Variants in PHF6 observed in about 807,000 individuals in gnomAD.
PHF6 encodes the protein PHD-like zinc finger protein.
Under a neutral mutation model 34.0 loss-of-function variants are expected in PHF6, and 7 were observed. That is an observed-to-expected ratio of 0.21 (90% confidence interval 0.12 to 0.39). PHF6 has a LOEUF of 0.39. Among genes scored for constraint, PHF6 ranks in the 10% least tolerant of loss-of-function variants. PHF6 has a pLI of 1.00. For missense variants in PHF6, 128 were observed against 262.8 expected (o/e 0.49, Z 3.55); for synonymous variants, 89 against 88.4 (o/e 1.01, Z -0.04).
intron 9 of PHF6, among the ~76,000 whole-genome samples, chrX:134,422,963 A>G (rs2077496922): frequency 8.9e-6 from 1 of 112,339 alleles, no homozygotes; most frequent in African/African-American, 3.2e-5. Flanking sequence ...GTAAGCAAAA[A>G]CAGAATAGTA....
At chrX:134,409,990 T>C (rs779528180) in intron 5 of PHF6, among the ~76,000 whole-genome samples, 17 of 111,768 alleles carry the variant, frequency 1.5e-4, no homozygotes, top group African/African-American at 5.5e-4. Flanking sequence ...GGATATTCCA[T>C]GTAGCAGGGT....
At chrX:134,401,902 G>A (rs2124231445) in intron 5 of PHF6, among the ~76,000 whole-genome samples, 1 of 112,335 alleles carries the variant, frequency 8.9e-6, no homozygotes, top group Non-Finnish European at 1.9e-5. Context: ...TATATTAAAA[G>A]TATCTTAAAA....
At chrX:134,377,851 C>CAA in intron 2 of PHF6, 96 bp downstream of exon 2, 1 of 1,017,912 alleles carries the variant, frequency 9.8e-7, no homozygotes, top group Non-Finnish European at 1.4e-6. Flanking sequence ...AAACAAAAAC[C>CAA]AAAAAAAACT....
intron 9 of PHF6, chrX:134,417,730 G>A (rs2077477087): frequency 1.7e-5 from 2 of 117,268 alleles, no homozygotes; most frequent in African/African-American, 3.3e-5. Flanking sequence ...GTGGTGGCAG[G>A]CACCTGTAAT....
At chrX:134,420,341 G>A (rs2077487308) in intron 9 of PHF6, 1 of 106,625 alleles carries the variant, frequency 9.4e-6, no homozygotes, top group Non-Finnish European at 1.9e-5. Context: ...ATAAATAAAA[G>A]TGTATAATAA....
chrX:134,383,532 G>A (rs762060190), intron 3 of PHF6, among the ~76,000 whole-genome samples: 1 of 111,013 alleles, frequency 9.0e-6, no homozygotes. Context: ...TTTTACTCAT[G>A]TCTTATGAAA....
intron 8 of PHF6, 109 bp downstream of exon 8, chrX:134,415,229 T>A: frequency 3.4e-6 from 4 of 1,164,454 alleles, no homozygotes; most frequent in Non-Finnish European, 4.7e-6. Flanking sequence ...GTAGTTCGTA[T>A]GTTAAAGCAA....
At chrX:134,379,771 T>G (rs1271917835) in intron 3 of PHF6, among the ~76,000 whole-genome samples, 1 of 111,546 alleles carries the variant, frequency 9.0e-6, no homozygotes, top group African/African-American at 3.3e-5. Context: ...AATGTGGATT[T>G]TATTTGGTGG....
intron 9 of PHF6, chrX:134,420,347 A>G (rs1374691683): frequency 9.1e-6 from 1 of 109,400 alleles, no homozygotes; most frequent in Non-Finnish European, 1.9e-5. Context: ...AAAAGTGTAT[A>G]ATAAAATGAT....
In PHF6 at chrX:134,391,425, T is replaced by C. The variant is rs1245512258; in HGVS notation, c.241-2076T>C. ...AAATTACTGGCTTAGAGAATACAAA[T>C]TTTTTAAAAACCTTGTTGAATAAGG... On this transcript the variant is annotated intron_variant, in intron 3 of 10. Coordinates refer to ENST00000370803, the MANE Select transcript of PHF6 (RefSeq NM_001015877.2). Among the ~76,000 whole-genome samples, 6 of 111,917 alleles carry C rather than the reference T, an allele frequency of 5.4e-5. No individual in the cohort carries two copies. The South Asian group carries it at 1.5e-3, about 27-fold the overall frequency.
In PHF6 at chrX:134,377,690, G is replaced by A; in HGVS notation, c.73G>A (p.Asp25Asn). The part of the protein sequence containing the change: ...RKCGFCKSNR[D>N]KECGQLLISE... ...ATGTGGCTTTTGTAAGTCAAATAGA[G>A]ACAAGGAATGTGGACAGTTACTAAT... Residue 25 changes from aspartate to asparagine, a missense_variant, in exon 2 of 11, where the codon GAC becomes AAC. Around this residue, in one of 3 missense-constraint regions of PHF6, gnomAD observed 97 missense variants for 152.9 expected, o/e 0.63. Coordinates refer to ENST00000370803, the MANE Select transcript of PHF6 (RefSeq NM_001015877.2). The A allele has an allele frequency of 8.3e-7, 1 of 1,210,060 alleles. No homozygotes were observed. Among genetic ancestry groups the A allele is most frequent in the Non-Finnish European group, 1.1e-6 (1 of 894,338 alleles).
intron 5 of PHF6, among the ~76,000 whole-genome samples, chrX:134,411,829 T>C (rs1219012426): frequency 9.0e-6 from 1 of 110,892 alleles, no homozygotes; most frequent in African/African-American, 3.3e-5. Context: ...GCCTCCCGGG[T>C]TCAAGCAATT....
At chrX:134,380,356 A>C (rs371638575) in intron 3 of PHF6, among the ~76,000 whole-genome samples, 10 of 110,199 alleles carry the variant, frequency 9.1e-5, no homozygotes, top group African/African-American at 3.0e-4. Context: ...CCTTGGTCTC[A>C]ATCTCCTGAC....
intron 9 of PHF6, among the ~76,000 whole-genome samples, chrX:134,424,337 T>C (rs775902688): frequency 8.9e-6 from 1 of 111,755 alleles, no homozygotes; most frequent in East Asian, 2.8e-4. Context: ...TAGCTGGTCA[T>C]CACCACTACT....
At chrX:134,402,831 A>AT (rs749540549) in intron 5 of PHF6, among the ~76,000 whole-genome samples, 29 of 111,587 alleles carry the variant, frequency 2.6e-4, no homozygotes, top group Middle Eastern at 4.6e-3. Context: ...AAACCTTTTC[A>AT]TTTTTTTATC....
chrX:134,383,802 G>A (rs887901302), intron 3 of PHF6, among the ~76,000 whole-genome samples: 1 of 111,435 alleles, frequency 9.0e-6, no homozygotes, highest in African/African-American at 3.3e-5. Context: ...TGACTCCCAA[G>A]CCAGAACTCC....
intron 5 of PHF6, among the ~76,000 whole-genome samples, chrX:134,410,823 G>A (rs758947674): frequency 1.9e-5 from 2 of 106,983 alleles, no homozygotes; most frequent in South Asian, 8.3e-4. Context: ...AATTTTTTTT[G>A]AAGTTTTAGT....
chrX:134,412,979 G>C (rs139702337), intron 5 of PHF6, among the ~76,000 whole-genome samples: 1,852 of 111,815 alleles, frequency 0.017, 15 homozygotes, highest in Non-Finnish European at 0.026. Context: ...CTGTGACAGT[G>C]GCAACAGTCC....
intron 4 of PHF6, 44 bp from the exon 5 acceptor site, chrX:134,393,865 A>C: frequency 8.8e-7 from 1 of 1,137,786 alleles, no homozygotes; most frequent in South Asian, 1.8e-5. Context: ...AAGTGAGTTT[A>C]ATTTAGTTTG....
Sources: allele counts gnomAD v4.1 joint callset (sites outside exome capture counted in the v4.1 genomes callset), GRCh38; gene constraint gnomAD v4.1.1; regional missense constraint gnomAD v4.1.1; transcripts MANE v1.5; gene names NCBI Gene and HGNC (gene_info 2026-07-23, HGNC 2026-07-21).